The following KCNMA1 variants were observed in gnomAD, a reference collection of about 807,000 sequenced individuals.
KCNMA1 encodes the protein Calcium-activated potassium channel subunit alpha-1.
A neutral mutation model predicts 140.0 loss-of-function variants in KCNMA1; 29 were observed. That is an observed-to-expected ratio of 0.21 (90% CI 0.15 to 0.28). The LOEUF (loss-of-function observed/expected upper bound fraction) is 0.28. Among genes scored for constraint, KCNMA1 ranks in the 10% least tolerant of loss-of-function variants. The pLI is 1.00. For missense variants in KCNMA1, 880 were observed against 1,602.2 expected (o/e 0.55, Z 7.70); for synonymous variants, 612 against 611.9 (o/e 1.00, Z 0.00).
intron 2 of KCNMA1, among the ~76,000 whole-genome samples, chr10:77,369,054 A>G (rs1383533341): frequency 6.6e-6 from 1 of 152,188 alleles, no homozygotes; most frequent in Non-Finnish European, 1.5e-5. Flanking sequence ...AAATTTTAGA[A>G]ATTGGTTTGT....
At chr10:77,195,488 C>T (rs1223680189) in intron 3 of KCNMA1, among the ~76,000 whole-genome samples, 1 of 152,168 alleles carries the variant, frequency 6.6e-6, no homozygotes, top group African/African-American at 2.4e-5. Flanking sequence ...ACAATCATAT[C>T]TTCAAGTATG....
intron 2 of KCNMA1, among the ~76,000 whole-genome samples, chr10:77,340,536 A>G (rs2090564990): frequency 2.0e-5 from 3 of 152,208 alleles, no homozygotes; most frequent in Admixed American, 2.0e-4. Flanking sequence ...CAGCCATAAA[A>G]AAAGGATGAG....
At chr10:77,386,458 G>C (rs1241897820) in intron 2 of KCNMA1, among the ~76,000 whole-genome samples, 1 of 152,172 alleles carries the variant, frequency 6.6e-6, no homozygotes, top group African/African-American at 2.4e-5. Context: ...AATATGACTT[G>C]TCAGCCGTCT....
At chr10:77,517,754 A>G (rs1436283271) in intron 1 of KCNMA1, among the ~76,000 whole-genome samples, 1 of 152,174 alleles carries the variant, frequency 6.6e-6, no homozygotes, top group East Asian at 1.9e-4. Flanking sequence ...CCATTCAACA[A>G]GGAGGTATCA....
At chr10:77,376,275 G>A (rs927470248) in intron 2 of KCNMA1, among the ~76,000 whole-genome samples, 7 of 152,150 alleles carry the variant, frequency 4.6e-5, no homozygotes, top group Non-Finnish European at 7.3e-5. Context: ...TTAAGTTGAG[G>A]TTGGGCTCTG....
chr10:77,324,971 CTGTGTGTGTGTGTG>C (rs144907110), intron 2 of KCNMA1, among the ~76,000 whole-genome samples: 1 of 90,378 alleles, frequency 1.1e-5, no homozygotes, highest in Non-Finnish European at 2.1e-5. Flanking sequence ...CTCTCTCTCT[CTGTGTGTGTGTGTG>C]TGTGTGTGTG....
intron 2 of KCNMA1, among the ~76,000 whole-genome samples, chr10:77,323,741 T>G (rs1453162282): frequency 6.6e-6 from 1 of 152,236 alleles, no homozygotes; most frequent in Non-Finnish European, 1.5e-5. Context: ...TCCTGCCTCC[T>G]GTATCACTAT....
intron 2 of KCNMA1, among the ~76,000 whole-genome samples, chr10:77,305,290 G>A (rs1162647912): frequency 6.6e-6 from 1 of 152,152 alleles, no homozygotes; most frequent in Non-Finnish European, 1.5e-5. Flanking sequence ...AATCGTCATA[G>A]TCATTTTATG....
intron 18 of KCNMA1, among the ~76,000 whole-genome samples, chr10:77,008,750 T>A (rs909319977): frequency 1.3e-5 from 2 of 152,130 alleles, no homozygotes; most frequent in African/African-American, 4.8e-5. Flanking sequence ...CCAGGGTGAA[T>A]TATTAATACC....
chr10:77,393,418 G>A (rs939523167), intron 2 of KCNMA1, among the ~76,000 whole-genome samples: 1 of 152,206 alleles, frequency 6.6e-6, no homozygotes, highest in Admixed American at 6.5e-5. Context: ...TGCTTATCAA[G>A]CACTAACCAT....
At chr10:77,182,251 A>G (rs980854987) in intron 5 of KCNMA1, among the ~76,000 whole-genome samples, 3 of 152,242 alleles carry the variant, frequency 2.0e-5, no homozygotes, top group African/African-American at 7.2e-5. Flanking sequence ...TAGCAGCAAT[A>G]AAAGGAAAAG....
In KCNMA1 at chr10:77,427,786, G is replaced by A. The variant is rs187344262; in HGVS notation, c.379-23763C>T. On this transcript the variant is annotated intron_variant, in intron 1 of 27. Transcript: ENST00000286628. ...ATTTATTGAGATGGAGTCTCGCTCT[G>A]TCACCCAGGCTGGAGTGCAGTGGCA... Among the ~76,000 whole-genome samples the A allele has an allele frequency of 2.9e-3, 445 of 151,688 alleles. 1 individual carries two copies. The highest frequency in any genetic ancestry group is 9.4e-3 in the African/African-American group (387 of 41,360).
chr10:76,936,947 C>G (rs1865016), intron 23 of KCNMA1, among the ~76,000 whole-genome samples: 8,968 of 152,262 alleles, frequency 0.059, 514 homozygotes, highest in African/African-American at 0.14. Flanking sequence ...CACCATAGCT[C>G]TCCCTCTGGA....
chr10:77,256,274 C>T (rs1419740552), intron 2 of KCNMA1, among the ~76,000 whole-genome samples: 1 of 152,134 alleles, frequency 6.6e-6, no homozygotes, highest in East Asian at 1.9e-4. Flanking sequence ...GTGTGTGAGG[C>T]TTCACGGCCT....
intron 1 of KCNMA1, among the ~76,000 whole-genome samples, chr10:77,411,106 G>T (rs1157686932): frequency 6.6e-6 from 1 of 152,194 alleles, no homozygotes; most frequent in Non-Finnish European, 1.5e-5. Flanking sequence ...GGGTTCAAGC[G>T]ATTCTCCTGT....
intron 1 of KCNMA1, among the ~76,000 whole-genome samples, chr10:77,591,274 G>C (rs945880043): frequency 6.6e-6 from 1 of 152,184 alleles, no homozygotes; most frequent in Non-Finnish European, 1.5e-5. Context: ...GCAGGCAAAA[G>C]GCACCACAGA....
At chr10:77,388,025 A>C (rs1288759328) in intron 2 of KCNMA1, among the ~76,000 whole-genome samples, 1 of 152,230 alleles carries the variant, frequency 6.6e-6, no homozygotes, top group Non-Finnish European at 1.5e-5. Context: ...TGAACCCAGA[A>C]GATGAAAGCT....
At chr10:77,048,918 G>A (rs765644088) in intron 14 of KCNMA1, among the ~76,000 whole-genome samples, 2 of 151,932 alleles carry the variant, frequency 1.3e-5, no homozygotes, top group African/African-American at 4.8e-5. Flanking sequence ...CTGCCACCAC[G>A]CCCGGTTAAT....
intron 2 of KCNMA1, among the ~76,000 whole-genome samples, chr10:77,283,020 G>A (rs1455304289): frequency 3.3e-5 from 5 of 152,174 alleles, no homozygotes; most frequent in East Asian, 1.9e-4. Context: ...GCCAACCTTC[G>A]TCTTAGGAAG....
Sources: allele counts gnomAD v4.1 joint callset (sites outside exome capture counted in the v4.1 genomes callset), GRCh38; gene constraint gnomAD v4.1.1; transcripts MANE v1.5; gene names NCBI Gene and HGNC (gene_info 2026-07-23, HGNC 2026-07-21).